Variants in ROBO2 observed in about 807,000 individuals in gnomAD.
ROBO2 encodes roundabout homolog 2.
ROBO2 carries 53 observed loss-of-function variants against 160.8 expected under a neutral mutation model. That is an observed-to-expected ratio of 0.33 (90% CI 0.26 to 0.41). The LOEUF is 0.41. ROBO2 is among the 10% of genes least tolerant of loss of function. The pLI is 1.00. For missense variants in ROBO2, 1,577 were observed against 1,722.4 expected, an observed-to-expected ratio of 0.92 and a Z score of 1.49; for synonymous variants, 664 against 611.7, an observed-to-expected ratio of 1.09 and a Z score of -1.26.
At chr3:76,879,076 C>T (rs1047076715) in intron 2 of ROBO2, among the ~76,000 whole-genome samples, 2 of 151,812 alleles carry the variant, frequency 1.3e-5, no homozygotes, top group East Asian at 3.9e-4. Flanking sequence ...TCGGAGAAAC[C>T]CAGATGATTT....
intron 2 of ROBO2, among the ~76,000 whole-genome samples, chr3:76,263,821 A>G (rs528110010): frequency 2.2e-4 from 33 of 152,230 alleles, no homozygotes; most frequent in African/African-American, 6.5e-4. Context: ...AACCAACCCA[A>G]ATGACCATCA....
chr3:76,655,253 T>C (rs1218732921), intron 2 of ROBO2, among the ~76,000 whole-genome samples: 1 of 150,182 alleles, frequency 6.7e-6, no homozygotes, highest in East Asian at 2.0e-4. Context: ...TGTTCTACCA[T>C]AAAATATTAT....
At chr3:76,218,429 A>C (rs1428171263) in intron 2 of ROBO2, among the ~76,000 whole-genome samples, 1 of 152,230 alleles carries the variant, frequency 6.6e-6, no homozygotes, top group African/African-American at 2.4e-5. Flanking sequence ...GTCTCAGCCC[A>C]AAATCTCCTT....
At chr3:77,591,249 AT>A (rs2094173404) in intron 17 of ROBO2, among the ~76,000 whole-genome samples, 1 of 152,120 alleles carries the variant, frequency 6.6e-6, no homozygotes, top group Non-Finnish European at 1.5e-5. Context: ...AAAAGGATTA[AT>A]CTGCATTCAT....
intron 2 of ROBO2, among the ~76,000 whole-genome samples, chr3:77,021,212 G>C (rs1029707087): frequency 6.6e-6 from 1 of 151,922 alleles, no homozygotes; most frequent in Non-Finnish European, 1.5e-5. Context: ...AAAAAAGAAA[G>C]AAAGAAAGAA....
chr3:75,987,992 T>TG (rs2065459804), intron 2 of ROBO2, among the ~76,000 whole-genome samples: 1 of 151,596 alleles, frequency 6.6e-6, no homozygotes. Context: ...GTTTTCTTGT[T>TG]TTTTTGTTTT....
chr3:76,679,352 T>C (rs1258349455), intron 2 of ROBO2, among the ~76,000 whole-genome samples: 4 of 152,162 alleles, frequency 2.6e-5, no homozygotes, highest in African/African-American at 4.8e-5. Flanking sequence ...TATTAATCAA[T>C]GTTTATATTT....
At chr3:76,101,531 G>C (rs2069681081) in intron 2 of ROBO2, among the ~76,000 whole-genome samples, 1 of 152,164 alleles carries the variant, frequency 6.6e-6, no homozygotes, top group Non-Finnish European at 1.5e-5. Context: ...GAGGACAGGT[G>C]AGATTATGTA....
At chr3:77,022,382 C>T (rs898825788) in intron 2 of ROBO2, among the ~76,000 whole-genome samples, 2 of 152,094 alleles carry the variant, frequency 1.3e-5, no homozygotes, top group Non-Finnish European at 2.9e-5. Context: ...AACAAGCAAA[C>T]AAACAAGCAA....
chr3:77,391,748 G>A (rs1303669024), intron 2 of ROBO2, among the ~76,000 whole-genome samples: 7 of 151,922 alleles, frequency 4.6e-5, no homozygotes, highest in South Asian at 4.2e-4. Flanking sequence ...TAGTAGAGAC[G>A]AGGCCTCATT....
At chr3:77,124,563 T>C (rs1246662860) in intron 2 of ROBO2, among the ~76,000 whole-genome samples, 1 of 152,136 alleles carries the variant, frequency 6.6e-6, no homozygotes, top group Non-Finnish European at 1.5e-5. Flanking sequence ...TGATATAACA[T>C]AAGTTATATA....
At chr3:76,882,677 C>G (rs753244679) in intron 2 of ROBO2, among the ~76,000 whole-genome samples, 2 of 152,110 alleles carry the variant, frequency 1.3e-5, no homozygotes, top group Non-Finnish European at 2.9e-5. Flanking sequence ...AGGTTATATG[C>G]TTTTAAAAAT....
intron 2 of ROBO2, among the ~76,000 whole-genome samples, chr3:75,981,343 A>G (rs1282605876): frequency 6.6e-6 from 1 of 151,444 alleles, no homozygotes; most frequent in Admixed American, 6.6e-5. Context: ...CCTATAGCCT[A>G]TATCTACATC....
intron 6 of ROBO2, among the ~76,000 whole-genome samples, chr3:77,545,227 T>A (rs1377758614): frequency 6.6e-6 from 1 of 152,118 alleles, no homozygotes; most frequent in Non-Finnish European, 1.5e-5. Context: ...CAGTTTGACT[T>A]CTGAAACCCT....
chr3:76,267,088 G>A (rs1338243493), intron 2 of ROBO2, among the ~76,000 whole-genome samples: 1 of 152,122 alleles, frequency 6.6e-6, no homozygotes, highest in African/African-American at 2.4e-5. Context: ...TTCAGATGAT[G>A]TAGAAAGTAT....
Position 76,962,638 on chromosome 3 carries a change from C to CAAAAAAAAAA in ROBO2, c.110-135375_110-135374insAAAAAAAAAA, listed in dbSNP as rs1318082985. Among the ~76,000 whole-genome samples the CAAAAAAAAAA allele has an allele frequency of 4.0e-5, 2 of 50,284 alleles. 1 individual carries two copies. The allele number at this position is 50,284 out of a possible 152,430, so 33.0% of individuals were successfully genotyped here. ...GGGCAACAAGAGTGAAACTCGATCT[C>CAAAAAAAAAA]AGAAAAAAAAAAAAAAAAAAAAGCT... On this transcript the variant is annotated intron_variant, in intron 2 of 26. Transcript: ENST00000487694.
chr3:77,110,853 C>A (rs114350395), intron 2 of ROBO2, among the ~76,000 whole-genome samples: 1,840 of 151,960 alleles, frequency 0.012, 27 homozygotes, highest in African/African-American at 0.043. Flanking sequence ...GTCACCAAGC[C>A]CAGCCAATTT....
intron 2 of ROBO2, among the ~76,000 whole-genome samples, chr3:76,584,129 C>G (rs2085877187): frequency 6.6e-6 from 1 of 152,106 alleles, no homozygotes; most frequent in African/African-American, 2.4e-5. Context: ...CTAATCTTTA[C>G]TGCCTGTCAC....
chr3:76,772,489 A>G (rs1048715784), intron 2 of ROBO2, among the ~76,000 whole-genome samples: 1 of 139,918 alleles, frequency 7.1e-6, no homozygotes, highest in Non-Finnish European at 1.6e-5. Flanking sequence ...TTCTCTCCCC[A>G]CCCCTGACAT....
Sources: allele counts gnomAD v4.1 joint callset (sites outside exome capture counted in the v4.1 genomes callset), GRCh38; gene constraint gnomAD v4.1.1; transcripts MANE v1.5; gene names NCBI Gene and HGNC (gene_info 2026-07-23, HGNC 2026-07-21).